The following EML5 variants were observed in gnomAD, a reference collection of about 807,000 sequenced individuals.
EML5 encodes echinoderm microtubule-associated protein-like 5.
In EML5, 120 loss-of-function variants were observed where a neutral mutation model predicts 250.0. The ratio of observed to expected loss-of-function variants is 0.48; its 90% CI spans 0.41 to 0.56. The LOEUF is 0.56. Among genes scored for constraint, EML5 ranks in the 20% least tolerant of loss-of-function variants. The pLI, the probability that EML5 is intolerant of heterozygous loss-of-function variation, is 0.00. For missense variants in EML5, 2,006 were observed against 2,437.6 expected, an observed-to-expected ratio of 0.82 and a Z score of 3.73; for synonymous variants, 771 against 806.5, an observed-to-expected ratio of 0.96 and a Z score of 0.75.
At chr14:88,670,018 T>A (rs2092414832) in intron 21 of EML5, among the ~76,000 whole-genome samples, 1 of 151,982 alleles carries the variant, frequency 6.6e-6, no homozygotes, top group Non-Finnish European at 1.5e-5. Flanking sequence ...GGGGTCTGAC[T>A]GTTAAAAGAA....
intron 9 of EML5, among the ~76,000 whole-genome samples, chr14:88,713,215 A>C (rs143507757): frequency 7.9e-4 from 120 of 152,002 alleles, no homozygotes; most frequent in African/African-American, 2.7e-3. Flanking sequence ...AATATGGTAA[A>C]ACTCCATCTC....
chr14:88,715,289 C>G, intron 8 of EML5, 94 bp from the exon 9 acceptor site: 1 of 1,247,084 alleles, frequency 8.0e-7, no homozygotes, highest in Non-Finnish European at 1.1e-6. Context: ...GAAGCTGTAT[C>G]AAGTGTTTAT....
chr14:88,649,180 A>G (rs2140771378), intron 28 of EML5, among the ~76,000 whole-genome samples: 1 of 152,078 alleles, frequency 6.6e-6, no homozygotes, highest in South Asian at 2.1e-4. Context: ...CAGGGCTGCC[A>G]CCACACCCAG....
In EML5 at chr14:88,665,836, A is replaced by T. The variant is rs189299316; in HGVS notation, c.3125-347T>A. 2.6e-3 allele frequency among the ~76,000 whole-genome samples: 392 copies of T among 152,130 alleles called. 1 individual carries two copies. The highest frequency in any genetic ancestry group is 4.5e-3 in the Non-Finnish European group (307 of 67,982). Reference sequence around the variant, plus strand: ...GGCGGGAGGACTGTTTGAGCCCAGGAGGTTGAGGGTGCAGTGAGCTATGAT... The same window carrying T: ...GGCGGGAGGACTGTTTGAGCCCAGGTGGTTGAGGGTGCAGTGAGCTATGAT... On this transcript the variant is annotated intron_variant, in intron 21 of 43. Coordinates refer to ENST00000554922, the MANE Select transcript of EML5 (RefSeq NM_183387.3).
rs33988759 is a variant in EML5 at position 88,713,840 on chromosome 14, GTT to G, written c.1444+1097_1444+1098del. Among the ~76,000 whole-genome samples, 490 of 130,050 alleles carry G rather than the reference GTT, an allele frequency of 3.8e-3. 2 individuals are homozygous for G. Among genetic ancestry groups the G allele is most frequent in the Middle Eastern group, 0.012 (3 of 260 alleles). The allele number at this position is 130,050 out of a possible 152,430, so 85.3% of individuals were successfully genotyped here. On this transcript the variant is annotated intron_variant, in intron 9 of 43. Coordinates refer to ENST00000554922, the MANE Select transcript of EML5 (RefSeq NM_183387.3). ...TTATTAATATTTGCAAAGTTTATTTGTTTTTTTTTTTTTTTTGAGACAGCCTC... is the reference window on the plus strand; with the variant it reads ...TTATTAATATTTGCAAAGTTTATTTGTTTTTTTTTTTTTTGAGACAGCCTC...
At position 88,717,756 on chromosome 14, in the gene EML5, A is replaced by AAACAACAACAAC. The variant is rs147401940; in HGVS notation, c.1188-2573_1188-2562dup. On this transcript the variant is annotated intron_variant, in intron 8 of 43. Coordinates refer to ENST00000554922, the MANE Select transcript of EML5 (RefSeq NM_183387.3). ...GGTGACAGGGCGAGACTCCGTCTCA[A>AAACAACAACAAC]AACAACAACAACAACAACAACAACA... Among the ~76,000 whole-genome samples the AAACAACAACAAC allele has an allele frequency of 2.0e-5, 3 of 150,786 alleles. 1 individual carries two copies. Among genetic ancestry groups the AAACAACAACAAC allele is most frequent in the Non-Finnish European group, 4.4e-5 (3 of 67,734 alleles).
chr14:88,774,467 A>C (rs1056467299), intron 1 of EML5, among the ~76,000 whole-genome samples: 1 of 152,180 alleles, frequency 6.6e-6, no homozygotes, highest in African/African-American at 2.4e-5. Context: ...TCATTTTCTC[A>C]TCTTCTTCCT....
chr14:88,643,104 T>A, intron 30 of EML5, 82 bp from the exon 31 acceptor site: 1 of 1,295,176 alleles, frequency 7.7e-7, no homozygotes, highest in Non-Finnish European at 1.0e-6. Flanking sequence ...GTAATACTAG[T>A]AGTGTCTGCA....
At chr14:88,636,399 A>G (rs927688411) in intron 32 of EML5, among the ~76,000 whole-genome samples, 2 of 152,234 alleles carry the variant, frequency 1.3e-5, no homozygotes, top group African/African-American at 4.8e-5. Flanking sequence ...ACGGTGGCTC[A>G]TGCCTGTAAT....
intron 9 of EML5, among the ~76,000 whole-genome samples, chr14:88,713,410 T>A (rs374580506): frequency 4.2e-4 from 63 of 151,748 alleles, no homozygotes; most frequent in African/African-American, 1.1e-3. Context: ...AAAATACTAA[T>A]AGGTAATATT....
chr14:88,719,939 C>G (rs969713238), intron 8 of EML5, among the ~76,000 whole-genome samples: 2 of 151,830 alleles, frequency 1.3e-5, no homozygotes, highest in Non-Finnish European at 2.9e-5. Context: ...GACATAACAA[C>G]AAATGATAAA....
intron 36 of EML5, chr14:88,623,379 G>A (rs1221838419): frequency 2.6e-5 from 4 of 152,068 alleles, no homozygotes; most frequent in African/African-American, 9.7e-5. Flanking sequence ...TAATGGAAAT[G>A]TAAGGCAAAA....
At chr14:88,722,202 G>A (rs2093601261) in intron 8 of EML5, among the ~76,000 whole-genome samples, 1 of 152,226 alleles carries the variant, frequency 6.6e-6, no homozygotes, top group African/African-American at 2.4e-5. Context: ...GGAAGATGGT[G>A]TGGCGATTCC....
At chr14:88,742,162 A>G (rs2093934088) in intron 4 of EML5, among the ~76,000 whole-genome samples, 1 of 152,128 alleles carries the variant, frequency 6.6e-6, no homozygotes, top group Non-Finnish European at 1.5e-5. Flanking sequence ...CAGGTACCCA[A>G]ATTATTTTGA....
At chr14:88,651,495 C>T (rs1357233535) in intron 27 of EML5, among the ~76,000 whole-genome samples, 1 of 151,872 alleles carries the variant, frequency 6.6e-6, no homozygotes, top group Non-Finnish European at 1.5e-5. Flanking sequence ...AAGCAGACTA[C>T]AGATTAAAAT....
intron 21 of EML5, among the ~76,000 whole-genome samples, chr14:88,680,753 T>C (rs987569785): frequency 2.0e-5 from 3 of 152,074 alleles, no homozygotes; most frequent in African/African-American, 7.2e-5. Flanking sequence ...TATATTGTTT[T>C]TCAAAAAAAA....
chr14:88,665,732 A>C (rs1299265501), intron 21 of EML5, among the ~76,000 whole-genome samples: 4 of 152,102 alleles, frequency 2.6e-5, no homozygotes, highest in African/African-American at 9.7e-5. Flanking sequence ...AGAAGAGGGA[A>C]GGGAAGACAG....
intron 21 of EML5, among the ~76,000 whole-genome samples, chr14:88,678,991 T>C (rs2092659172): frequency 6.6e-6 from 1 of 151,934 alleles, no homozygotes; most frequent in Admixed American, 6.6e-5. Flanking sequence ...CTTGTTTCTC[T>C]CTAGCTTCTG....
intron 14 of EML5, 67 bp downstream of exon 14, chr14:88,702,379 G>T: frequency 8.1e-7 from 1 of 1,234,808 alleles, no homozygotes; most frequent in Non-Finnish European, 1.1e-6. Flanking sequence ...AGAGATATGT[G>T]ATTAATTTAT....
Sources: allele counts gnomAD v4.1 joint callset (sites outside exome capture counted in the v4.1 genomes callset), GRCh38; gene constraint gnomAD v4.1.1; transcripts MANE v1.5; gene names NCBI Gene and HGNC (gene_info 2026-07-23, HGNC 2026-07-21).